SPAG16: variants seen among roughly 807,000 people sequenced by gnomAD.
SPAG16 encodes the protein sperm-associated antigen 16 protein.
Under a neutral mutation model 80.4 loss-of-function variants are expected in SPAG16, and 86 were observed. The observed-to-expected ratio is 1.07, with a 90% CI of 0.90 to 1.28. The LOEUF (loss-of-function observed/expected upper bound fraction) is 1.28, where lower values mean the gene tolerates loss of function less well. Among genes scored for constraint, SPAG16 ranks in the 50% most tolerant of loss-of-function variants. The probability of loss-of-function intolerance (pLI) is 0.00; values close to 1 mark genes in which losing one functional copy is unlikely to be tolerated. For missense variants in SPAG16, 870 were observed against 765.3 expected (o/e 1.14, Z -1.61); for synonymous variants, 294 against 265.9 (o/e 1.11, Z -1.03).
intron 15 of SPAG16, among the ~76,000 whole-genome samples, chr2:214,403,359 T>C (rs1284849547): frequency 1.3e-5 from 2 of 148,580 alleles, no homozygotes; most frequent in Non-Finnish European, 3.0e-5. Context: ...ATATGAGATA[T>C]ATATTTATAC....
rs1421552733 is a variant in SPAG16, at chr2:213,948,543, GA to G, written c.1400+18400del. ...TGCAGATGCTTTGCTGGTGGTTTAG[GA>G]ATATGCATTATCTTTTTATTGAGTA... On this transcript the variant is annotated intron_variant, in intron 12 of 15. Transcript: ENST00000331683. 3.3e-5 allele frequency among the ~76,000 whole-genome samples: 5 copies of G among 152,180 alleles called. No individual in the cohort carries two copies. The East Asian group carries it at 9.7e-4, about 29-fold the overall frequency.
intron 12 of SPAG16, 98 bp downstream of exon 12, chr2:213,930,243 G>C (rs2078692237): frequency 1.2e-6 from 1 of 841,148 alleles, no homozygotes; most frequent in Non-Finnish European, 1.8e-6. Context: ...TGCTACCCCA[G>C]GGAAACATTA....
chr2:213,335,691 C>A (rs2064322925), intron 5 of SPAG16, among the ~76,000 whole-genome samples: 1 of 152,026 alleles, frequency 6.6e-6, no homozygotes, highest in African/African-American at 2.4e-5. Flanking sequence ...ATGTTCGAAT[C>A]AATAATTTCT....
chr2:213,845,130 A>G (rs2074546633), intron 10 of SPAG16, among the ~76,000 whole-genome samples: 1 of 152,166 alleles, frequency 6.6e-6, no homozygotes, highest in South Asian at 2.1e-4. Context: ...TGTCATTAAA[A>G]ACAAGTGCAT....
chr2:213,930,659 C>T (rs1347213534), intron 12 of SPAG16, among the ~76,000 whole-genome samples: 3 of 152,144 alleles, frequency 2.0e-5, no homozygotes, highest in Non-Finnish European at 4.4e-5. Flanking sequence ...AAATCCTATA[C>T]ATATCATGTG....
intron 10 of SPAG16, among the ~76,000 whole-genome samples, chr2:213,675,830 G>C (rs1247060940): frequency 6.6e-6 from 1 of 151,002 alleles, no homozygotes; most frequent in Non-Finnish European, 1.5e-5. Context: ...GATGCCTCCA[G>C]CTTTGTTCTT....
intron 10 of SPAG16, among the ~76,000 whole-genome samples, chr2:213,833,832 T>G (rs1349157226): frequency 6.6e-6 from 1 of 151,194 alleles, no homozygotes; most frequent in East Asian, 2.0e-4. Context: ...ACCCATTAGT[T>G]ATATGGGGAA....
At chr2:213,636,133 G>T (rs2062352947) in intron 10 of SPAG16, among the ~76,000 whole-genome samples, 1 of 152,136 alleles carries the variant, frequency 6.6e-6, no homozygotes, top group Non-Finnish European at 1.5e-5. Context: ...TGTATAAGGT[G>T]AGAGATGAGG....
In SPAG16 at chr2:213,862,622, A is replaced by G. The variant is rs550902499; in HGVS notation, c.1208A>G (p.His403Arg). Residue 403 changes from histidine (H) to arginine (R), a missense_variant, in exon 11 of 16, where the codon CAT becomes CGT. Transcript: ENST00000331683. ...GACTGGCTTTCAGACTGCTGCTTCC[A>G]TCCCAGGTCAGTGCACAGGACCCCT... ...HTDWLSDCCF[H>R]PSGDKLATSS... 2 of 1,613,854 alleles carry G rather than the reference A, an allele frequency of 1.2e-6. No homozygotes were observed. Among genetic ancestry groups the G allele is most frequent in the Non-Finnish European group, 1.7e-6 (2 of 1,179,974 alleles).
chr2:214,190,570 T>C (rs1484209782), intron 15 of SPAG16, among the ~76,000 whole-genome samples: 1 of 152,142 alleles, frequency 6.6e-6, no homozygotes, highest in Non-Finnish European at 1.5e-5. Context: ...CTGTTGTATA[T>C]GATATATCAT....
At position 213,350,576 on chromosome 2, in the gene SPAG16, T is replaced by C; in HGVS notation, c.693T>C (p.His231=). 4 of 1,601,098 alleles carry C rather than the reference T, an allele frequency of 2.5e-6. No homozygotes were observed. Among genetic ancestry groups the C allele is most frequent in the Non-Finnish European group, 3.4e-6 (4 of 1,176,266 alleles). Reference sequence around the variant, plus strand: ...ATGAACCGACTATAAGGGTGTTACATGAGAAACACCACACTTTACTGAAGG... The same window carrying C: ...ATGAACCGACTATAAGGGTGTTACACGAGAAACACCACACTTTACTGAAGG... ...ASYEPTIRVL[H]EKHHTLLKEK... The change falls in exon 7 of 16, where the codon CAT becomes CAC. Residue 231 remains histidine, a synonymous_variant. Coordinates refer to ENST00000331683, the MANE Select transcript of SPAG16 (RefSeq NM_024532.5).
intron 13 of SPAG16, among the ~76,000 whole-genome samples, chr2:214,088,318 C>T (rs998677098): frequency 2.7e-5 from 4 of 150,740 alleles, no homozygotes; most frequent in African/African-American, 9.8e-5. Context: ...CCCAATCTTA[C>T]TTAACATCTG....
At chr2:214,089,013 A>C (rs749573972) in intron 13 of SPAG16, among the ~76,000 whole-genome samples, 1 of 152,168 alleles carries the variant, frequency 6.6e-6, no homozygotes, top group Non-Finnish European at 1.5e-5. Flanking sequence ...ATCAGAATCA[A>C]GCATATTAAA....
chr2:213,913,714 T>A (rs1305953999), intron 11 of SPAG16, among the ~76,000 whole-genome samples: 2 of 151,836 alleles, frequency 1.3e-5, no homozygotes, highest in African/African-American at 4.9e-5. Context: ...TATGCATATA[T>A]ATACAAAGAG....
At chr2:213,828,943 C>T (rs909607881) in intron 10 of SPAG16, among the ~76,000 whole-genome samples, 8 of 152,156 alleles carry the variant, frequency 5.3e-5, no homozygotes, top group African/African-American at 1.9e-4. Flanking sequence ...ACAATCACCC[C>T]TGTGGCTACC....
At chr2:213,837,655 C>G (rs553205921) in intron 10 of SPAG16, among the ~76,000 whole-genome samples, 1 of 152,278 alleles carries the variant, frequency 6.6e-6, no homozygotes, top group African/African-American at 2.4e-5. Context: ...TGCACCCCAG[C>G]AAATGTCCAT....
chr2:213,567,328 C>T (rs1471276173), intron 10 of SPAG16, among the ~76,000 whole-genome samples: 1 of 131,900 alleles, frequency 7.6e-6, no homozygotes, highest in Non-Finnish European at 1.6e-5. Context: ...GTGCGCTGCA[C>T]CCACTAATGT....
chr2:213,621,922 A>G (rs1175113169), intron 10 of SPAG16, among the ~76,000 whole-genome samples: 2 of 152,176 alleles, frequency 1.3e-5, no homozygotes, highest in African/African-American at 4.8e-5. Context: ...TTTTTTAGCA[A>G]GATCTCTTAT....
intron 14 of SPAG16, among the ~76,000 whole-genome samples, chr2:214,124,564 A>G (rs1361167859): frequency 6.6e-6 from 1 of 151,918 alleles, no homozygotes; most frequent in Non-Finnish European, 1.5e-5. Flanking sequence ...TTTGAAGCAC[A>G]TAATTAGAGC....
Sources: allele counts gnomAD v4.1 joint callset (sites outside exome capture counted in the v4.1 genomes callset), GRCh38; gene constraint gnomAD v4.1.1; transcripts MANE v1.5; gene names NCBI Gene and HGNC (gene_info 2026-07-23, HGNC 2026-07-21).